The following MAGI1 variants were observed in gnomAD, a reference collection of about 807,000 sequenced individuals.
MAGI1 encodes the protein membrane associated guanylate kinase, WW and PDZ domain containing 1, also known as membrane-associated guanylate kinase, WW and PDZ domain-containing protein 1.
In MAGI1, 58 loss-of-function variants were observed where a neutral mutation model predicts 139.9. That is an observed-to-expected ratio of 0.41 (90% CI 0.34 to 0.52). MAGI1 has a LOEUF of 0.52. Among genes scored for constraint, MAGI1 ranks in the 20% least tolerant of loss-of-function variants. The pLI, the probability that MAGI1 is intolerant of heterozygous loss-of-function variation, is 0.12. For missense variants in MAGI1, 1,874 were observed against 1,901.6 expected, an observed-to-expected ratio of 0.99 and a Z score of 0.27; for synonymous variants, 812 against 737.9, an observed-to-expected ratio of 1.10 and a Z score of -1.63.
rs551447959 is a variant in MAGI1, at chr3:65,683,982, T to C, written c.314-61894A>G. 2.8e-5 allele frequency among the ~76,000 whole-genome samples: 4 copies of C among 140,614 alleles called. No individual in the cohort carries two copies. The East Asian group carries it at 8.3e-4, about 29-fold the overall frequency. 92.2% of individuals were successfully genotyped at this position (140,614 alleles called of 152,430 possible). ...GAGTTTGATACCAGCCTGGGCAACC[T>C]AGAGAGAGCCCATGTCTACAAAAAA... On this transcript the variant is annotated intron_variant, in intron 1 of 22. Coordinates refer to ENST00000402939, the MANE Select transcript of MAGI1 (RefSeq NM_001033057.2).
At chr3:65,540,146 T>C (rs2079143304) in intron 2 of MAGI1, among the ~76,000 whole-genome samples, 1 of 152,198 alleles carries the variant, frequency 6.6e-6, no homozygotes, top group Non-Finnish European at 1.5e-5. Flanking sequence ...ACTTATGCTA[T>C]AACAACTTAT....
At chr3:65,969,081 T>C (rs1204924397) in intron 1 of MAGI1, among the ~76,000 whole-genome samples, 1 of 152,168 alleles carries the variant, frequency 6.6e-6, no homozygotes, top group Non-Finnish European at 1.5e-5. Context: ...AAGAGTAAAG[T>C]TATTATCATA....
At chr3:65,496,024 T>A (rs1952411574) in intron 2 of MAGI1, among the ~76,000 whole-genome samples, 1 of 151,682 alleles carries the variant, frequency 6.6e-6, no homozygotes, top group Non-Finnish European at 1.5e-5. Context: ...AGCAAGGGGG[T>A]GCGTTGATTT....
At chr3:65,443,672 T>C (rs1025390496) in intron 7 of MAGI1, among the ~76,000 whole-genome samples, 1 of 151,880 alleles carries the variant, frequency 6.6e-6, no homozygotes, top group Non-Finnish European at 1.5e-5. Context: ...AAGAAGGGAC[T>C]AGGTTGTGGG....
intron 8 of MAGI1, among the ~76,000 whole-genome samples, chr3:65,441,112 C>G (rs1332180748): frequency 6.6e-6 from 1 of 151,992 alleles, no homozygotes; most frequent in African/African-American, 2.4e-5. Flanking sequence ...AAGCGTGCAT[C>G]ACCATACCCG....
At chr3:65,628,025 C>T (rs1307469591) in intron 1 of MAGI1, among the ~76,000 whole-genome samples, 2 of 152,110 alleles carry the variant, frequency 1.3e-5, no homozygotes, top group African/African-American at 2.4e-5. Context: ...ATAAACAATG[C>T]TGCTATAAAT....
At chr3:65,639,120 T>C (rs1352126109) in intron 1 of MAGI1, among the ~76,000 whole-genome samples, 1 of 152,240 alleles carries the variant, frequency 6.6e-6, no homozygotes, top group Non-Finnish European at 1.5e-5. Context: ...AAGTGTCTTT[T>C]CATTTGTTAA....
intron 3 of MAGI1, among the ~76,000 whole-genome samples, chr3:65,482,206 G>A (rs577584268): frequency 1.1e-4 from 17 of 152,270 alleles, no homozygotes; most frequent in African/African-American, 3.6e-4. Context: ...GTCTTTGTCC[G>A]CCTTTAACTT....
At chr3:65,826,997 C>A (rs926162002) in intron 1 of MAGI1, among the ~76,000 whole-genome samples, 1 of 87,352 alleles carries the variant, frequency 1.1e-5, no homozygotes, top group Admixed American at 1.4e-4. Flanking sequence ...CACCATCCCC[C>A]GGTCTGCTGC....
intron 1 of MAGI1, among the ~76,000 whole-genome samples, chr3:65,714,242 C>T (rs538019035): frequency 1.3e-5 from 2 of 152,288 alleles, no homozygotes; most frequent in Admixed American, 1.3e-4. Flanking sequence ...GGCATTCCTC[C>T]AATGGCCCTG....
chr3:65,695,361 C>A (rs1360509741), intron 1 of MAGI1, among the ~76,000 whole-genome samples: 1 of 152,142 alleles, frequency 6.6e-6, no homozygotes, highest in Non-Finnish European at 1.5e-5. Context: ...CAGAGTTCAC[C>A]TTATGGAAGC....
At chr3:65,600,598 TA>T (rs1241604493) in intron 2 of MAGI1, among the ~76,000 whole-genome samples, 1 of 151,594 alleles carries the variant, frequency 6.6e-6, no homozygotes, top group Non-Finnish European at 1.5e-5. Context: ...CACACAAAAT[TA>T]AAACCAGTAG....
At chr3:65,396,343 T>C (rs1048105073) in intron 13 of MAGI1, among the ~76,000 whole-genome samples, 1 of 152,202 alleles carries the variant, frequency 6.6e-6, no homozygotes, top group Non-Finnish European at 1.5e-5. Flanking sequence ...AAAAATTCCA[T>C]AAAGGTCTTT....
intron 1 of MAGI1, among the ~76,000 whole-genome samples, chr3:65,990,581 A>G (rs1431873817): frequency 6.6e-6 from 1 of 152,170 alleles, no homozygotes; most frequent in Non-Finnish European, 1.5e-5. Context: ...TTTGCCTCTT[A>G]GCACAGAGTA....
rs562309596 is a variant in MAGI1, at chr3:65,826,001, A to C, written c.314-203913T>G. Among the ~76,000 whole-genome samples, 8 of 152,138 alleles carry C rather than the reference A, an allele frequency of 5.3e-5. No individual in the cohort carries two copies. The East Asian group carries it at 1.5e-3, about 29-fold the overall frequency. On this transcript the variant is annotated intron_variant, in intron 1 of 22. Coordinates refer to ENST00000402939, the MANE Select transcript of MAGI1 (RefSeq NM_001033057.2). ...GATTCTGACTCAAAAAATAATAATA[A>C]TAAAATTTTTGAATTTTATATATAT...
chr3:65,606,223 G>A (rs959772459), intron 2 of MAGI1, among the ~76,000 whole-genome samples: 1 of 152,230 alleles, frequency 6.6e-6, no homozygotes, highest in Non-Finnish European at 1.5e-5. Flanking sequence ...GAAGGGCTAT[G>A]AGTCAAACAC....
intron 2 of MAGI1, among the ~76,000 whole-genome samples, chr3:65,580,015 A>C (rs1320267218): frequency 6.6e-6 from 1 of 152,206 alleles, no homozygotes; most frequent in Non-Finnish European, 1.5e-5. Flanking sequence ...CTGAGGGCAA[A>C]GACTTTTTCT....
intron 2 of MAGI1, among the ~76,000 whole-genome samples, chr3:65,549,242 G>A (rs2079689172): frequency 6.6e-6 from 1 of 152,106 alleles, no homozygotes; most frequent in Non-Finnish European, 1.5e-5. Flanking sequence ...GCGCGTTCCA[G>A]CCGCTCCCCG....
chr3:65,889,210 A>G (rs907071206), intron 1 of MAGI1, among the ~76,000 whole-genome samples: 14 of 152,228 alleles, frequency 9.2e-5, no homozygotes, highest in South Asian at 2.1e-4. Flanking sequence ...TATAATGTCC[A>G]TGGGTCAGAG....
Sources: gnomAD v4.1 joint callset for allele counts (sites outside exome capture counted in the v4.1 genomes callset) on GRCh38, gnomAD v4.1.1 for gene constraint, MANE v1.5 for transcripts, NCBI Gene and HGNC (gene_info 2026-07-23, HGNC 2026-07-21) for gene names.